The following NPM1 variants were observed in gnomAD, a reference collection of about 807,000 sequenced individuals.
NPM1 encodes the protein nucleophosmin.
A neutral mutation model predicts 44.1 loss-of-function variants in NPM1; 1 was observed. The observed-to-expected ratio is 0.02, with a 90% CI of 0.01 to 0.11. The LOEUF (loss-of-function observed/expected upper bound fraction) is 0.11, where lower values mean the gene tolerates loss of function less well. Among genes scored for constraint, NPM1 ranks in the 10% least tolerant of loss-of-function variants. NPM1 has a pLI of 1.00. For missense variants in NPM1, 197 were observed against 347.8 expected (o/e 0.57, Z 3.45); for synonymous variants, 126 against 111.8 (o/e 1.13, Z -0.80).
chr5:171,391,613 C>A, intron 3 of NPM1, 93 bp from the exon 4 acceptor site: 1 of 1,119,824 alleles, frequency 8.9e-7, no homozygotes, highest in Non-Finnish European at 1.3e-6. Flanking sequence ...AAAACAGGTT[C>A]ACTGGTTTGT....
chr5:171,405,879 C>T, intron 9 of NPM1: 1 of 183,842 alleles, frequency 5.4e-6, no homozygotes, highest in South Asian at 1.3e-4. Flanking sequence ...TTGCCCTTTA[C>T]ACCAAGTTGT....
chr5:171,400,624 T>C (rs1474442726), intron 7 of NPM1, among the ~76,000 whole-genome samples: 1 of 151,852 alleles, frequency 6.6e-6, no homozygotes, highest in Non-Finnish European at 1.5e-5. Flanking sequence ...ACCCAGCTAA[T>C]TTTTGCATTT....
chr5:171,391,292 T>C lies in NPM1; in HGVS notation c.139-13T>C. 6.2e-7 allele frequency: 1 copy of C among 1,603,814 alleles called. No homozygotes were observed. The highest frequency in any genetic ancestry group is 1.3e-5 in the African/African-American group (1 of 74,402). Reference sequence around the variant, plus strand: ...ACTCAAAAGTTGAAGTAGTATTTTTTTTTTGTTCACAGGTCAGTTTAGGGG... The same window carrying C: ...ACTCAAAAGTTGAAGTAGTATTTTTCTTTTGTTCACAGGTCAGTTTAGGGG... On this transcript the variant is annotated splice_polypyrimidine_tract_variant and intron_variant, in intron 2 of 10. Transcript: ENST00000296930.
chr5:171,393,528 T>A (rs1006480342), intron 6 of NPM1, among the ~76,000 whole-genome samples: 6 of 152,222 alleles, frequency 3.9e-5, no homozygotes, highest in Admixed American at 3.9e-4. Flanking sequence ...TATATTAAAC[T>A]AGATCAAACT....
intron 10 of NPM1, 71 bp downstream of exon 10, chr5:171,407,845 C>A: frequency 1.1e-6 from 1 of 917,572 alleles, no homozygotes; most frequent in Non-Finnish European, 1.8e-6. Context: ...TGCCTTTACC[C>A]TTTTTAAGTG....
At chr5:171,398,826 C>T (rs1771043919) in intron 6 of NPM1, among the ~76,000 whole-genome samples, 2 of 152,176 alleles carry the variant, frequency 1.3e-5, no homozygotes, top group African/African-American at 4.8e-5. Context: ...CTATCCTTAA[C>T]ATGTAAGAAC....
At chr5:171,405,982 G>A (rs76706768) in intron 9 of NPM1, among the ~76,000 whole-genome samples, 3,124 of 152,246 alleles carry the variant, frequency 0.021, 59 homozygotes, top group Non-Finnish European at 0.035. Context: ...GGAAATGTGG[G>A]AAGAGGGTTA....
intron 1 of NPM1, among the ~76,000 whole-genome samples, chr5:171,388,276 AC>A (rs1401540308): frequency 1.3e-5 from 2 of 151,996 alleles, no homozygotes; most frequent in African/African-American, 4.8e-5. Context: ...GTAAAGTGGA[AC>A]CGGCCGCCTG....
In NPM1 at chr5:171,392,604, A is replaced by T. The variant is rs1480438857; in HGVS notation, c.353-106A>T. On this transcript the variant is annotated intron_variant, in intron 4 of 10. Transcript: ENST00000296930. The stretch of plus-strand genomic sequence containing the variant: ...ATGTGCTCTTTTTTTTTTTTTTTTT[A>T]AATAGAATAGAAGTCTCAGTTTTTA... 1.1e-4 allele frequency: 53 copies of T among 466,050 alleles called. No homozygotes were observed. The highest frequency in any genetic ancestry group is 6.1e-4 in the Middle Eastern group (1 of 1,632). 28.9% of individuals were successfully genotyped at this position (466,050 alleles called of 1,614,324 possible).
rs202010899 is a variant in NPM1, at chr5:171,387,921, C to T, written c.-28C>T. 277 of 1,607,356 alleles carry T rather than the reference C, an allele frequency of 1.7e-4. 1 individual carries two copies. In the Middle Eastern group the frequency reaches 2.2e-3, roughly 13 times the overall value. ...GTTCTTTTATCTCCGTCCGCCTTCT[C>T]TCCTACCTAAGTGCGTGCCGCCACC... On this transcript the variant is annotated 5_prime_UTR_variant, in exon 1 of 11. Coordinates refer to ENST00000296930, the MANE Select transcript of NPM1 (RefSeq NM_002520.7).
intron 9 of NPM1, 67 bp from the exon 10 acceptor site, chr5:171,407,633 A>G: frequency 1.1e-6 from 1 of 922,132 alleles, no homozygotes; most frequent in Non-Finnish European, 1.8e-6. Context: ...TTATTGAGGA[A>G]TTTTCTAAAG....
At chr5:171,410,249 T>C (rs1265489094) in intron 10 of NPM1, among the ~76,000 whole-genome samples, 3 of 152,214 alleles carry the variant, frequency 2.0e-5, no homozygotes, top group African/African-American at 7.2e-5. Flanking sequence ...ACATTGGCCA[T>C]ATGGGTCTCT....
rs1159567999 is a variant in NPM1 at position 171,387,876 on chromosome 5, C to A, written c.-73C>A. The A allele has an allele frequency of 2.2e-6, 3 of 1,380,100 alleles. No homozygotes were observed. Among genetic ancestry groups the A allele is most frequent in the East Asian group, 4.6e-5 (2 of 43,670 alleles). 85.5% of individuals were successfully genotyped at this position (1,380,100 alleles called of 1,614,324 possible). A position where few individuals can be genotyped will look rare whatever the true frequency, so the allele number is the denominator to read the frequency against. ...TTCCCTGGTGTGATTCCGTCCTGCG[C>A]GGTTGTTCTCTGGAGCAGCGTTCTT... On this transcript the variant is annotated 5_prime_UTR_variant, in exon 1 of 11. Coordinates refer to ENST00000296930, the MANE Select transcript of NPM1 (RefSeq NM_002520.7).
At position 171,404,771 on chromosome 5, in the gene NPM1, A is replaced by T. The variant is rs369327162; in HGVS notation, c.670-531A>T. Among the ~76,000 whole-genome samples the T allele has an allele frequency of 7.4e-4, 110 of 149,284 alleles. 3 individuals carry two copies. The South Asian group carries it at 0.023, about 31-fold the overall frequency. ...GAGGCTGCAATCTCGGCACTTTGGG[A>T]GGCCAAGGCAGGCGGCTGGGAGGTG... On this transcript the variant is annotated intron_variant, in intron 8 of 10. Transcript: ENST00000296930.
chr5:171,406,623 A>G, intron 9 of NPM1: 1 of 1,340,766 alleles, frequency 7.5e-7, no homozygotes, highest in Non-Finnish European at 9.5e-7. Context: ...GATTCAGTGA[A>G]CCTTGCCCTT....
intron 4 of NPM1, among the ~76,000 whole-genome samples, 179 bp from the exon 5 acceptor site, chr5:171,392,531 A>G (rs1392336920): frequency 6.6e-6 from 1 of 151,624 alleles, no homozygotes; most frequent in Non-Finnish European, 1.5e-5. Flanking sequence ...AAAACCTGGC[A>G]GTGAACATTA....
chr5:171,391,200 C>A (rs2113165778), intron 2 of NPM1, 105 bp from the exon 3 acceptor site: 2 of 1,286,144 alleles, frequency 1.6e-6, no homozygotes, highest in South Asian at 1.4e-5. Flanking sequence ...TTCTCAGAAC[C>A]TAGCCCTGTG....
chr5:171,393,886 A>G (rs1363534761), intron 6 of NPM1, among the ~76,000 whole-genome samples: 2 of 152,136 alleles, frequency 1.3e-5, no homozygotes, highest in Non-Finnish European at 2.9e-5. Flanking sequence ...TAATCCTAAC[A>G]CCCAGCCAAG....
At chr5:171,400,326 G>GAGGGAGATCATCTCATACTA in intron 7 of NPM1, 116 bp downstream of exon 7, 2 of 1,202,944 alleles carry the variant, frequency 1.7e-6, no homozygotes, top group Non-Finnish European at 2.3e-6. Context: ...ATCTCATACT[G>GAGGGAGATCATCTCATACTA]AAAATTAGTC....
Sources: allele counts gnomAD v4.1 joint callset (sites outside exome capture counted in the v4.1 genomes callset), GRCh38; gene constraint gnomAD v4.1.1; transcripts MANE v1.5; gene names NCBI Gene and HGNC (gene_info 2026-07-23, HGNC 2026-07-21).